The following CFAP96 variants were observed in gnomAD, a reference collection of about 807,000 sequenced individuals.
CFAP96 encodes the protein cilia-and flagella-associated protein 96.
chr4:185,425,919 G>A, the CFAP96 span: 2 of 1,573,540 alleles, frequency 1.3e-6, no homozygotes, highest in Non-Finnish European at 1.7e-6. Flanking sequence ...AAAAGTTCCG[G>A]GGGCCGGCCC....
At chr4:185,448,867 C>CATG in the CFAP96 span, among the ~76,000 whole-genome samples, 3 of 152,028 alleles carry the variant, frequency 2.0e-5, no homozygotes, top group East Asian at 5.8e-4. Context: ...GCTGTTAGAA[C>CATG]TTTGGAACAG....
chr4:185,434,692 A>AC, the CFAP96 span, among the ~76,000 whole-genome samples: 132,113 of 151,840 alleles, frequency 0.87, 57,931 homozygotes, highest in East Asian at 0.99. Flanking sequence ...GAAACCCTAT[A>AC]AGACACTTAT....
At chr4:185,430,249 ATTTAAATGTCTCAG>A in the CFAP96 span, among the ~76,000 whole-genome samples, 1 of 152,226 alleles carries the variant, frequency 6.6e-6, no homozygotes, top group Non-Finnish European at 1.5e-5. Flanking sequence ...ATACATAAAT[ATTTAAATGTCTCAG>A]TTCAATTTTT....
the CFAP96 span, among the ~76,000 whole-genome samples, chr4:185,448,605 T>C: frequency 6.6e-6 from 1 of 152,222 alleles, no homozygotes; most frequent in Non-Finnish European, 1.5e-5. Flanking sequence ...AGGAATACTA[T>C]TCTCTGTGGG....
the CFAP96 span, among the ~76,000 whole-genome samples, chr4:185,428,483 A>C: frequency 6.6e-6 from 1 of 151,410 alleles, no homozygotes; most frequent in Non-Finnish European, 1.5e-5. Flanking sequence ...GAGGCAGGAG[A>C]ATCGCTTGAA....
At chr4:185,425,949 G>A in the CFAP96 span, 1 of 1,517,680 alleles carries the variant, frequency 6.6e-7, no homozygotes, top group Non-Finnish European at 9.0e-7. Flanking sequence ...GTCACCGCAC[G>A]GCCCAGGGGC....
At chr4:185,418,162 GATTTA>G in the CFAP96 span, among the ~76,000 whole-genome samples, 36 of 151,960 alleles carry the variant, frequency 2.4e-4, no homozygotes, top group South Asian at 2.1e-4. Context: ...TTCAGAATGC[GATTTA>G]ATTTAAGTAA....
chr4:185,433,549 T>G, the CFAP96 span, among the ~76,000 whole-genome samples: 1 of 127,934 alleles, frequency 7.8e-6, no homozygotes, highest in Non-Finnish European at 1.6e-5. Context: ...TTTGTATAAC[T>G]TATACTTCCT....
the CFAP96 span, among the ~76,000 whole-genome samples, chr4:185,443,093 A>G: frequency 6.6e-6 from 1 of 151,856 alleles, no homozygotes; most frequent in Non-Finnish European, 1.5e-5. Flanking sequence ...TAATAGCATT[A>G]GAAATATCAG....
the CFAP96 span, among the ~76,000 whole-genome samples, chr4:185,430,158 T>C: frequency 1.3e-5 from 2 of 152,312 alleles, no homozygotes; most frequent in African/African-American, 4.8e-5. Context: ...GGCCATCCAT[T>C]GTTACCTTCC....
the CFAP96 span, among the ~76,000 whole-genome samples, chr4:185,437,615 C>T: frequency 1.3e-5 from 2 of 152,080 alleles, no homozygotes; most frequent in African/African-American, 2.4e-5. Context: ...TGGGCAGAAA[C>T]CTTGGTTCTT....
At chr4:185,412,983 T>C in the CFAP96 span, among the ~76,000 whole-genome samples, 1 of 152,108 alleles carries the variant, frequency 6.6e-6, no homozygotes, top group Non-Finnish European at 1.5e-5. Flanking sequence ...ATATGTTACA[T>C]GGAAAATAAG....
the CFAP96 span, among the ~76,000 whole-genome samples, chr4:185,443,191 CATTT>C: frequency 2.6e-5 from 4 of 151,258 alleles, no homozygotes; most frequent in African/African-American, 4.9e-5. Flanking sequence ...TCAATTCTTA[CATTT>C]CTTTCTCCAT....
the CFAP96 span, among the ~76,000 whole-genome samples, chr4:185,447,273 C>T: frequency 1.3e-5 from 2 of 151,936 alleles, no homozygotes; most frequent in African/African-American, 4.8e-5. Context: ...GCTCCACCTG[C>T]CGGGTTCACG....
chr4:185,417,870 C>G, the CFAP96 span, among the ~76,000 whole-genome samples: 1 of 152,068 alleles, frequency 6.6e-6, no homozygotes, highest in Non-Finnish European at 1.5e-5. Flanking sequence ...CTGGTAAAAT[C>G]CCATCTCTAC....
the CFAP96 span, among the ~76,000 whole-genome samples, chr4:185,421,836 C>T: frequency 6.6e-6 from 1 of 152,160 alleles, no homozygotes; most frequent in East Asian, 1.9e-4. Flanking sequence ...TAACTATCAC[C>T]CTTCAGAGAC....
At chr4:185,449,769 A>T in the CFAP96 span, 3 of 551,170 alleles carry the variant, frequency 5.4e-6, no homozygotes, top group Middle Eastern at 4.0e-4. Context: ...AAATTCTGCA[A>T]CTCTAATTCT....
At chr4:185,422,185 C>T in the CFAP96 span, among the ~76,000 whole-genome samples, 1 of 152,134 alleles carries the variant, frequency 6.6e-6, no homozygotes, top group Non-Finnish European at 1.5e-5. Flanking sequence ...GTACAATTCT[C>T]GACGCACATT....
At chr4:185,416,900 T>G in the CFAP96 span, among the ~76,000 whole-genome samples, 1 of 152,226 alleles carries the variant, frequency 6.6e-6, no homozygotes, top group Non-Finnish European at 1.5e-5. Context: ...TTTAGAAAAA[T>G]CACCACTTTG....
Sources: gnomAD v4.1 joint callset for allele counts (sites outside exome capture counted in the v4.1 genomes callset) on GRCh38, gnomAD v4.1.1 for gene constraint, MANE v1.5 for transcripts, NCBI Gene and HGNC (gene_info 2026-07-23, HGNC 2026-07-21) for gene names.